Variants in GARNL3 observed in about 807,000 individuals in gnomAD.
GARNL3 encodes GTPase activating Rap/RanGAP domain like 3.
A neutral mutation model predicts 125.0 loss-of-function variants in GARNL3; 63 were observed. That is an observed-to-expected ratio of 0.50 (90% CI 0.41 to 0.62). The LOEUF (loss-of-function observed/expected upper bound fraction) is 0.62. Ranked by LOEUF, GARNL3 falls within the 20% of genes least tolerant of loss-of-function variation. The probability of loss-of-function intolerance (pLI) is 0.00; values close to 1 mark genes in which losing one functional copy is unlikely to be tolerated. For missense variants in GARNL3, 994 were observed against 1,244.0 expected, an observed-to-expected ratio of 0.80 and a Z score of 3.02; for synonymous variants, 439 against 457.5, an observed-to-expected ratio of 0.96 and a Z score of 0.52.
At chr9:127,307,421 C>T (rs1400699614) in intron 2 of GARNL3, among the ~76,000 whole-genome samples, 3 of 152,154 alleles carry the variant, frequency 2.0e-5, no homozygotes, top group Non-Finnish European at 4.4e-5. Flanking sequence ...CTCTTGGAGG[C>T]CCCAGAAGTT....
At chr9:127,351,677 T>C (rs1451557205) in intron 17 of GARNL3, among the ~76,000 whole-genome samples, 1 of 152,244 alleles carries the variant, frequency 6.6e-6, no homozygotes, top group African/African-American at 2.4e-5. Context: ...TTTCATTAGA[T>C]GTATCCCTTG....
intron 2 of GARNL3, among the ~76,000 whole-genome samples, chr9:127,293,304 T>G (rs2064482129): frequency 6.6e-6 from 1 of 152,260 alleles, no homozygotes; most frequent in Non-Finnish European, 1.5e-5. Context: ...GTTTTTGGGT[T>G]ATTTGTGCTT....
chr9:127,386,968 G>C (rs1251270761), intron 24 of GARNL3, among the ~76,000 whole-genome samples: 1 of 152,254 alleles, frequency 6.6e-6, no homozygotes, highest in Non-Finnish European at 1.5e-5. Flanking sequence ...TCAACAAATA[G>C]ATGATGAAAA....
At chr9:127,306,544 G>A (rs889373501) in intron 2 of GARNL3, among the ~76,000 whole-genome samples, 7 of 152,268 alleles carry the variant, frequency 4.6e-5, no homozygotes, top group Non-Finnish European at 7.4e-5. Flanking sequence ...TGGCTAACAC[G>A]GTGAAACCCC....
intron 1 of GARNL3, among the ~76,000 whole-genome samples, chr9:127,225,703 A>T (rs2062896165): frequency 6.7e-6 from 1 of 150,194 alleles, no homozygotes. Context: ...CCTCTGGTAA[A>T]CCCTCAAGGG....
chr9:127,312,308 C>G lies in GARNL3; in HGVS notation c.319+573C>G, dbSNP rs115806908. ...GGATCCTGATCCTGCCATTATTAAT[C>G]AAAGGACCTTACACTAGCTACTCTC... On this transcript the variant is annotated intron_variant, in intron 3 of 27. Transcript: ENST00000373387. 2.8e-3 allele frequency among the ~76,000 whole-genome samples: 425 copies of G among 152,244 alleles called. 3 individuals carry two copies. Among genetic ancestry groups the G allele is most frequent in the African/African-American group, 9.8e-3 (409 of 41,544 alleles).
At chr9:127,270,305 A>G (rs2063795178) in intron 1 of GARNL3, among the ~76,000 whole-genome samples, 1 of 150,506 alleles carries the variant, frequency 6.6e-6, no homozygotes, top group Admixed American at 6.6e-5. Flanking sequence ...TGACAGAATG[A>G]TGTTTTAAAA....
intron 2 of GARNL3, among the ~76,000 whole-genome samples, chr9:127,244,893 A>G (rs2063269208): frequency 6.6e-6 from 1 of 152,158 alleles, no homozygotes; most frequent in South Asian, 2.1e-4. Context: ...TGTCTCCTTG[A>G]TCTGAAATGG....
intron 4 of GARNL3, among the ~76,000 whole-genome samples, chr9:127,316,223 C>G (rs867948057): frequency 6.6e-6 from 1 of 152,154 alleles, no homozygotes; most frequent in African/African-American, 2.4e-5. Context: ...ACACATTCCC[C>G]CGAGCTGCCC....
chr9:127,311,286 A>C (rs562264216), intron 2 of GARNL3, among the ~76,000 whole-genome samples: 1 of 152,088 alleles, frequency 6.6e-6, no homozygotes, highest in East Asian at 1.9e-4. Context: ...TTCTAGATGA[A>C]TTGTGCCTGT....
chr9:127,335,418 C>T (rs1393100007), intron 10 of GARNL3, 85 bp downstream of exon 10: 11 of 1,091,288 alleles, frequency 1.0e-5, no homozygotes, highest in Middle Eastern at 3.9e-4. Context: ...GGGGCTATGC[C>T]GGTTAACATA....
chr9:127,277,028 TTA>T (rs1424648400), intron 1 of GARNL3, among the ~76,000 whole-genome samples: 1 of 152,090 alleles, frequency 6.6e-6, no homozygotes, highest in Non-Finnish European at 1.5e-5. Context: ...CCACAATAGG[TTA>T]TATTTACTTG....
intron 1 of GARNL3, among the ~76,000 whole-genome samples, chr9:127,275,170 A>G (rs183969450): frequency 3.3e-5 from 5 of 152,286 alleles, no homozygotes; most frequent in African/African-American, 1.2e-4. Flanking sequence ...TTCAGTACCT[A>G]TGTTTTCTTC....
At chr9:127,357,179 G>A (rs568928828) in intron 20 of GARNL3, 40 bp from the exon 21 acceptor site, 2 of 1,608,942 alleles carry the variant, frequency 1.2e-6, no homozygotes, top group Admixed American at 1.7e-5. Flanking sequence ...TGGCTGCTCT[G>A]TTCTCACCCC....
At chr9:127,282,954 A>G (rs1197793138) in intron 1 of GARNL3, among the ~76,000 whole-genome samples, 1 of 152,214 alleles carries the variant, frequency 6.6e-6, no homozygotes, top group Admixed American at 6.5e-5. Flanking sequence ...TATGCTTTCT[A>G]TTTAAAAAAA....
intron 22 of GARNL3, among the ~76,000 whole-genome samples, chr9:127,381,143 GC>G (rs1383396443): frequency 2.0e-5 from 3 of 152,076 alleles, no homozygotes; most frequent in African/African-American, 7.2e-5. Context: ...TCCCAAAAGT[GC>G]TGGGATTACA....
intron 24 of GARNL3, among the ~76,000 whole-genome samples, chr9:127,386,763 C>T (rs1033670806): frequency 2.0e-5 from 3 of 152,244 alleles, no homozygotes; most frequent in African/African-American, 4.8e-5. Context: ...CAGCGCATCA[C>T]GGGTGTGCCT....
chr9:127,324,960 T>A, intron 6 of GARNL3, 109 bp from the exon 7 acceptor site: 1 of 1,149,410 alleles, frequency 8.7e-7, no homozygotes, highest in Non-Finnish European at 1.3e-6. Flanking sequence ...CTTTTAAAAT[T>A]ATTTTCAAAA....
intron 22 of GARNL3, among the ~76,000 whole-genome samples, chr9:127,381,174 G>C (rs1161437812): frequency 6.6e-6 from 1 of 152,154 alleles, no homozygotes; most frequent in African/African-American, 2.4e-5. Context: ...CACTACACCT[G>C]CCCGAATTGT....
Sources: allele counts gnomAD v4.1 joint callset (sites outside exome capture counted in the v4.1 genomes callset), GRCh38; gene constraint gnomAD v4.1.1; transcripts MANE v1.5; gene names NCBI Gene and HGNC (gene_info 2026-07-23, HGNC 2026-07-21).